Variants in MAML3 observed in about 807,000 individuals in gnomAD.
MAML3 encodes the protein mastermind like transcriptional coactivator 3, also known as mastermind-like protein 3.
A neutral mutation model predicts 101.9 loss-of-function variants in MAML3; 27 were observed. The observed-to-expected ratio is 0.27, with a 90% CI of 0.20 to 0.37. The LOEUF (loss-of-function observed/expected upper bound fraction) is 0.37. Ranked by LOEUF, MAML3 falls within the 10% of genes least tolerant of loss-of-function variation. The pLI is 1.00. For synonymous variants in MAML3, 501 were observed against 555.9 expected, an observed-to-expected ratio of 0.90 and a Z score of 1.39; for missense variants, 1,316 against 1,444.9, an observed-to-expected ratio of 0.91 and a Z score of 1.45.
chr4:140,028,347 T>G (rs1264136099), intron 1 of MAML3, among the ~76,000 whole-genome samples: 1 of 152,170 alleles, frequency 6.6e-6, no homozygotes, highest in Non-Finnish European at 1.5e-5. Context: ...AGAATGAATC[T>G]GAGATATCTC....
At chr4:140,005,430 G>A (rs898532828) in intron 1 of MAML3, among the ~76,000 whole-genome samples, 2 of 152,176 alleles carry the variant, frequency 1.3e-5, no homozygotes, top group African/African-American at 4.8e-5. Context: ...ATCACCACAG[G>A]ACTAGATCTG....
chr4:139,980,238 C>T (rs931529740), intron 1 of MAML3, among the ~76,000 whole-genome samples: 2 of 152,154 alleles, frequency 1.3e-5, no homozygotes, highest in African/African-American at 4.8e-5. Flanking sequence ...GGCTTTACAA[C>T]CTCAATACCC....
chr4:139,745,647 G>T (rs990482769), intron 2 of MAML3, among the ~76,000 whole-genome samples: 41 of 152,296 alleles, frequency 2.7e-4, no homozygotes, highest in African/African-American at 9.4e-4. Context: ...CAGTCCACAT[G>T]GCTACCAGAA....
chr4:139,731,991 TC>T (rs1728745877), intron 2 of MAML3, among the ~76,000 whole-genome samples: 1 of 152,196 alleles, frequency 6.6e-6, no homozygotes, highest in African/African-American at 2.4e-5. Flanking sequence ...TCCTTCTACC[TC>T]ACTGAAGTTT....
intron 2 of MAML3, among the ~76,000 whole-genome samples, chr4:139,841,449 T>C (rs115597014): frequency 0.018 from 2,742 of 152,322 alleles, 36 homozygotes; most frequent in Middle Eastern, 0.051. Context: ...AAATCACCCA[T>C]TTCAAGATGC....
chr4:139,845,241 G>A (rs1731421352), intron 2 of MAML3, among the ~76,000 whole-genome samples: 1 of 152,186 alleles, frequency 6.6e-6, no homozygotes, highest in Non-Finnish European at 1.5e-5. Flanking sequence ...AAGAAGAAGT[G>A]AGGGTGGTGA....
At chr4:139,946,777 T>A (rs929018733) in intron 1 of MAML3, among the ~76,000 whole-genome samples, 1 of 152,040 alleles carries the variant, frequency 6.6e-6, no homozygotes, top group Non-Finnish European at 1.5e-5. Flanking sequence ...AGGGAGGTCA[T>A]CAGTTCATTG....
chr4:139,919,585 G>A (rs1371429021), intron 1 of MAML3, among the ~76,000 whole-genome samples: 1 of 152,148 alleles, frequency 6.6e-6, no homozygotes, highest in Non-Finnish European at 1.5e-5. Context: ...GAATCTCTGC[G>A]TGGATTCTGC....
At chr4:139,960,289 C>T (rs1007761743) in intron 1 of MAML3, among the ~76,000 whole-genome samples, 13 of 152,322 alleles carry the variant, frequency 8.5e-5, no homozygotes, top group African/African-American at 3.1e-4. Context: ...ACATTCTGTC[C>T]TGTGCACTCT....
chr4:139,792,267 T>A (rs1214633172), intron 2 of MAML3, among the ~76,000 whole-genome samples: 1 of 152,184 alleles, frequency 6.6e-6, no homozygotes, highest in Admixed American at 6.5e-5. Flanking sequence ...TGAGAAGTCA[T>A]CTACTCCACT....
chr4:140,110,125 A>G (rs1728416913), intron 1 of MAML3, among the ~76,000 whole-genome samples: 1 of 152,246 alleles, frequency 6.6e-6, no homozygotes, highest in Non-Finnish European at 1.5e-5. Flanking sequence ...GCCAGCAAGA[A>G]GGATACATGA....
At chr4:139,887,300 C>T (rs1349250494) in intron 2 of MAML3, among the ~76,000 whole-genome samples, 6 of 152,188 alleles carry the variant, frequency 3.9e-5, no homozygotes, top group African/African-American at 7.2e-5. Flanking sequence ...TTAAAAAGCA[C>T]GCTTTTACCT....
intron 2 of MAML3, among the ~76,000 whole-genome samples, chr4:139,806,702 G>C (rs1055380321): frequency 1.3e-5 from 2 of 152,150 alleles, no homozygotes; most frequent in African/African-American, 4.8e-5. Context: ...TCAACAATAG[G>C]TGACAGATTA....
At chr4:140,046,202 A>G (rs1727180605) in intron 1 of MAML3, among the ~76,000 whole-genome samples, 1 of 152,142 alleles carries the variant, frequency 6.6e-6, no homozygotes, top group Admixed American at 6.5e-5. Context: ...GATGGGGACC[A>G]TTTCTGGGCA....
intron 2 of MAML3, among the ~76,000 whole-genome samples, chr4:139,835,204 G>C (rs796607790): frequency 1.2e-4 from 18 of 152,356 alleles, no homozygotes; most frequent in African/African-American, 4.1e-4. Flanking sequence ...CCCAGCTCAG[G>C]GATGGCCCTG....
rs745658240 is a variant in MAML3 at position 139,768,222 on chromosome 4, T to TTTTGTG, written c.2080-37556_2080-37555insCACAAA. On this transcript the variant is annotated intron_variant, in intron 2 of 4. Transcript: ENST00000509479. Reference sequence around the variant, plus strand: ...GGTTGTCTCTTTACTCTGTTGATAGTTGTGTGTGTGTGTGTGTGTGTGTGT... The same window carrying TTTTGTG: ...GGTTGTCTCTTTACTCTGTTGATAGTTTTGTGTGTGTGTGTGTGTGTGTGTGTGTGT... Among the ~76,000 whole-genome samples, 87 of 136,436 alleles carry TTTTGTG rather than the reference T, an allele frequency of 6.4e-4. 1 individual carries two copies. In the East Asian group the frequency reaches 0.015, roughly 24 times the overall value. The allele number at this position is 136,436 out of a possible 152,430, so 89.5% of individuals were successfully genotyped here.
At chr4:140,119,267 T>G (rs1255042481) in intron 1 of MAML3, among the ~76,000 whole-genome samples, 1 of 152,210 alleles carries the variant, frequency 6.6e-6, no homozygotes, top group East Asian at 1.9e-4. Context: ...TCCACAATTT[T>G]TAATAGGTGC....
intron 1 of MAML3, among the ~76,000 whole-genome samples, chr4:139,980,955 C>T (rs571304340): frequency 1.8e-4 from 27 of 152,286 alleles, no homozygotes; most frequent in Middle Eastern, 6.8e-3. Context: ...AGAAGAGTTC[C>T]AGGCAAAAGT....
At chr4:139,956,208 AT>A (rs1488733457) in intron 1 of MAML3, among the ~76,000 whole-genome samples, 1 of 152,232 alleles carries the variant, frequency 6.6e-6, no homozygotes, top group Non-Finnish European at 1.5e-5. Context: ...ATTCACGGAT[AT>A]GAGAGGATCA....
Sources: allele counts gnomAD v4.1 joint callset (sites outside exome capture counted in the v4.1 genomes callset), GRCh38; gene constraint gnomAD v4.1.1; transcripts MANE v1.5; gene names NCBI Gene and HGNC (gene_info 2026-07-23, HGNC 2026-07-21).